Variants in CNTNAP2 observed in about 807,000 individuals in gnomAD.
The protein encoded by CNTNAP2 is contactin associated protein 2.
Under a neutral mutation model 155.2 loss-of-function variants are expected in CNTNAP2, and 98 were observed. The ratio of observed to expected loss-of-function variants is 0.63; its 90% CI spans 0.54 to 0.75. The LOEUF is 0.75. Among genes scored for constraint, CNTNAP2 ranks in the 30% least tolerant of loss-of-function variants. The pLI is 0.00. For missense variants in CNTNAP2, 1,727 were observed against 1,688.1 expected (o/e 1.02, Z -0.40); for synonymous variants, 651 against 631.2 (o/e 1.03, Z -0.47).
intron 1 of CNTNAP2, among the ~76,000 whole-genome samples, chr7:146,485,322 G>T (rs1797039395): frequency 6.6e-6 from 1 of 152,146 alleles, no homozygotes; most frequent in African/African-American, 2.4e-5. Context: ...GATGTAAGAT[G>T]CATTAGTCAC....
At chr7:147,676,854 A>G (rs2116974275) in intron 13 of CNTNAP2, among the ~76,000 whole-genome samples, 1 of 151,978 alleles carries the variant, frequency 6.6e-6, no homozygotes, top group South Asian at 2.1e-4. Context: ...CTCCTTTTTC[A>G]TGGCTGAATA....
intron 8 of CNTNAP2, among the ~76,000 whole-genome samples, chr7:147,290,390 A>G (rs1399139207): frequency 2.0e-5 from 3 of 152,140 alleles, no homozygotes; most frequent in Non-Finnish European, 4.4e-5. Context: ...AGTATAAAAA[A>G]TATGACACTG....
intron 4 of CNTNAP2, among the ~76,000 whole-genome samples, chr7:147,097,078 T>G (rs1584840449): frequency 6.6e-6 from 1 of 152,232 alleles, no homozygotes; most frequent in Non-Finnish European, 1.5e-5. Flanking sequence ...CCTCAAAAGA[T>G]ACTGCACACA....
intron 16 of CNTNAP2, among the ~76,000 whole-genome samples, chr7:148,138,314 C>T (rs1804999100): frequency 6.6e-6 from 1 of 152,194 alleles, no homozygotes; most frequent in South Asian, 2.1e-4. Flanking sequence ...TTGTAAGCTT[C>T]AGCTTGGTCT....
chr7:148,040,710 C>T (rs901338528), intron 15 of CNTNAP2, among the ~76,000 whole-genome samples: 7 of 152,182 alleles, frequency 4.6e-5, no homozygotes, highest in African/African-American at 7.2e-5. Context: ...ATTTTGCCTT[C>T]GTGCAAGGAA....
At chr7:147,797,199 A>G (rs1049798904) in intron 13 of CNTNAP2, among the ~76,000 whole-genome samples, 1 of 152,090 alleles carries the variant, frequency 6.6e-6, no homozygotes, top group African/African-American at 2.4e-5. Context: ...AATTTCACCT[A>G]CATGGTTACC....
chr7:147,142,002 A>G (rs572226740), intron 8 of CNTNAP2, among the ~76,000 whole-genome samples: 83 of 152,306 alleles, frequency 5.4e-4, no homozygotes, highest in African/African-American at 1.9e-3. Context: ...CTAGATACAC[A>G]ATCATGTCAT....
intron 21 of CNTNAP2, among the ~76,000 whole-genome samples, chr7:148,367,008 G>A (rs777836216): frequency 4.6e-5 from 7 of 152,170 alleles, no homozygotes; most frequent in East Asian, 1.9e-4. Context: ...CCAGGAAGGC[G>A]GATCACGAGG....
intron 15 of CNTNAP2, among the ~76,000 whole-genome samples, chr7:148,078,049 C>T (rs985671607): frequency 2.0e-5 from 3 of 151,754 alleles, no homozygotes; most frequent in Admixed American, 6.6e-5. Flanking sequence ...GATTAATGTA[C>T]CCAAAAACAT....
chr7:146,971,093 A>T (rs911776650), intron 3 of CNTNAP2, among the ~76,000 whole-genome samples: 1 of 152,120 alleles, frequency 6.6e-6, no homozygotes. Flanking sequence ...GCTTTAGGAG[A>T]TATACCTAAT....
intron 15 of CNTNAP2, among the ~76,000 whole-genome samples, chr7:148,081,985 A>G (rs1174108528): frequency 1.3e-5 from 2 of 152,034 alleles, no homozygotes; most frequent in Non-Finnish European, 2.9e-5. Context: ...AATTTTTTAA[A>G]TGTTTTATAG....
intron 15 of CNTNAP2, among the ~76,000 whole-genome samples, chr7:148,063,584 TA>T (rs1413135907): frequency 1.1e-4 from 17 of 150,068 alleles, no homozygotes; most frequent in African/African-American, 2.7e-4. Context: ...TTTCTTTTTT[TA>T]ATTTTTTTTT....
At chr7:146,955,178 A>C (rs1797407375) in intron 3 of CNTNAP2, among the ~76,000 whole-genome samples, 1 of 151,952 alleles carries the variant, frequency 6.6e-6, no homozygotes, top group African/African-American at 2.4e-5. Context: ...CATCGACTTC[A>C]TTGTGTTCTT....
intron 12 of CNTNAP2, among the ~76,000 whole-genome samples, chr7:147,581,107 G>T (rs1800491555): frequency 6.6e-6 from 1 of 152,176 alleles, no homozygotes; most frequent in Non-Finnish European, 1.5e-5. Flanking sequence ...CCAAATCATA[G>T]GTAGATAACT....
chr7:146,355,195 T>C (rs1794980151), intron 1 of CNTNAP2, among the ~76,000 whole-genome samples: 1 of 152,208 alleles, frequency 6.6e-6, no homozygotes, highest in South Asian at 2.1e-4. Context: ...TGTACCCACA[T>C]AGAAGAAATC....
At chr7:147,858,894 G>A (rs1368063540) in intron 13 of CNTNAP2, among the ~76,000 whole-genome samples, 2 of 152,146 alleles carry the variant, frequency 1.3e-5, no homozygotes, top group African/African-American at 4.8e-5. Context: ...CCAGAACTGT[G>A]AGAAAATTAA....
intron 2 of CNTNAP2, among the ~76,000 whole-genome samples, chr7:146,794,760 C>T (rs145406291): frequency 2.2e-3 from 341 of 152,122 alleles, no homozygotes; most frequent in African/African-American, 7.8e-3. Context: ...TGTATTATAC[C>T]GATTATTCAT....
chr7:147,576,928 G>C (rs1800406604), intron 12 of CNTNAP2, among the ~76,000 whole-genome samples: 2 of 152,040 alleles, frequency 1.3e-5, no homozygotes, highest in South Asian at 2.1e-4. Context: ...CTTGGATATA[G>C]AGCCATATTG....
chr7:147,618,198 G>T (rs905902976), intron 12 of CNTNAP2, among the ~76,000 whole-genome samples: 3 of 152,154 alleles, frequency 2.0e-5, no homozygotes, highest in African/African-American at 7.2e-5. Context: ...TATGTCATAG[G>T]TTACTACCTA....
Sources: gnomAD v4.1 joint callset for allele counts (sites outside exome capture counted in the v4.1 genomes callset) on GRCh38, gnomAD v4.1.1 for gene constraint, MANE v1.5 for transcripts, NCBI Gene and HGNC (gene_info 2026-07-23, HGNC 2026-07-21) for gene names.